The following ART3 variants were observed in gnomAD, a reference collection of about 807,000 sequenced individuals.
ART3 encodes ADP-ribosyltransferase 3 (inactive).
ART3 carries 49 observed loss-of-function variants against 48.5 expected under a neutral mutation model. The ratio of observed to expected loss-of-function variants is 1.01; its 90% confidence interval spans 0.80 to 1.28. The LOEUF is 1.28. Among genes scored for constraint, ART3 ranks in the 50% most tolerant of loss-of-function variants. ART3 has a pLI of 0.00. For synonymous variants in ART3, 145 were observed against 157.2 expected (o/e 0.92, Z 0.58); for missense variants, 438 against 454.3 (o/e 0.96, Z 0.33).
chr4:76,054,451 G>A (rs1718484331), intron 1 of ART3, among the ~76,000 whole-genome samples: 2 of 152,086 alleles, frequency 1.3e-5, no homozygotes, highest in Non-Finnish European at 2.9e-5. Context: ...GGACAGGAAA[G>A]ATGTTTTTTG....
intron 2 of ART3, among the ~76,000 whole-genome samples, chr4:76,077,619 A>T (rs536658236): frequency 1.6e-4 from 24 of 152,304 alleles, no homozygotes; most frequent in African/African-American, 5.5e-4. Context: ...TATATATAGG[A>T]AATATATATG....
intron 3 of ART3, among the ~76,000 whole-genome samples, chr4:76,096,392 T>C (rs1368467141): frequency 6.6e-6 from 1 of 152,222 alleles, no homozygotes; most frequent in African/African-American, 2.4e-5. Context: ...TCACTACAAA[T>C]GGAGCAGGAC....
rs1472722493 is a variant in ART3, at chr4:76,097,696, T to G, written c.814+20T>G. 2.5e-6 allele frequency: 4 copies of G among 1,593,116 alleles called. No homozygotes were observed. In the South Asian group the frequency reaches 4.4e-5, roughly 18 times the overall value. On this transcript the variant is annotated intron_variant, in intron 4 of 11. Coordinates refer to ENST00000355810, the MANE Select transcript of ART3 (RefSeq NM_001130016.3). ...ACCTAGGTAAGATAGCTTTAAAGTC[T>G]TATCCCTATAATAGGAATTTTATCA...
In ART3 at chr4:76,108,755, T is replaced by C. The variant is rs114284706; in HGVS notation, c.1036+962T>C. Reference sequence around the variant, plus strand: ...TGTACTTACCCAACCCTAGATGGTATACCCTGCTACACATGTAGGCTACAT... The same window carrying C: ...TGTACTTACCCAACCCTAGATGGTACACCCTGCTACACATGTAGGCTACAT... On this transcript the variant is annotated intron_variant, in intron 11 of 11. Transcript: ENST00000355810. Among the ~76,000 whole-genome samples, 890 of 152,322 alleles carry C rather than the reference T, an allele frequency of 5.8e-3. 6 individuals carry two copies. The highest frequency in any genetic ancestry group is 0.021 in the African/African-American group (853 of 41,578).
chr4:76,048,119 G>C (rs1195745128), intron 1 of ART3, among the ~76,000 whole-genome samples: 2 of 151,904 alleles, frequency 1.3e-5, no homozygotes, highest in African/African-American at 4.8e-5. Flanking sequence ...TCACTAATAG[G>C]AAGGGGAGCT....
At chr4:76,072,040 C>T (rs974302340), upstream of ART3, among the ~76,000 whole-genome samples, 5 of 152,122 alleles carry the variant, frequency 3.3e-5, no homozygotes, top group African/African-American at 1.2e-4. Flanking sequence ...TCTTAGCCTC[C>T]CAAGTAGCTA....
At chr4:76,073,258 C>A (rs980627771), upstream of ART3, among the ~76,000 whole-genome samples, 8 of 152,152 alleles carry the variant, frequency 5.3e-5, no homozygotes, top group Non-Finnish European at 8.8e-5. Context: ...GGAATGGAGG[C>A]CAGCGACAGG....
At chr4:76,082,623 G>A (rs1000202610) in intron 3 of ART3, 88 bp downstream of exon 3, 128 of 1,092,456 alleles carry the variant, frequency 1.2e-4, no homozygotes, top group Non-Finnish European at 1.5e-4. Flanking sequence ...GAGAGTGAGA[G>A]GTGTTTGAAA....
intron 1 of ART3, among the ~76,000 whole-genome samples, chr4:76,014,014 G>A (rs1732037177): frequency 6.6e-6 from 1 of 151,994 alleles, no homozygotes; most frequent in Admixed American, 6.5e-5. Flanking sequence ...TGCATTTTTA[G>A]TGAAAATATT....
At position 76,043,556 on chromosome 4, in the gene ART3, G is replaced by A. The variant is rs555938199; in HGVS notation, c.-10+32236G>A. ...GCTAAGCCCCTCATTGCCCGGGGCCGGCAGGGCTGGCCAGCTGTTCCGAGT... is the reference window on the plus strand; with the variant it reads ...GCTAAGCCCCTCATTGCCCGGGGCCAGCAGGGCTGGCCAGCTGTTCCGAGT... On this transcript the variant is annotated intron_variant, in intron 1 of 9. Coordinates refer to the ART3 transcript ENST00000341029. Among the ~76,000 whole-genome samples, 146 of 152,218 alleles carry A rather than the reference G, an allele frequency of 9.6e-4. 3 individuals are homozygous for A. The South Asian group carries it at 0.011, about 12-fold the overall frequency.
intron 10 of ART3, among the ~76,000 whole-genome samples, chr4:76,105,199 G>A (rs960654581): frequency 6.6e-6 from 1 of 152,156 alleles, no homozygotes; most frequent in Non-Finnish European, 1.5e-5. Context: ...CTAGTCCTGA[G>A]TTTGCACAGT....
chr4:76,067,145 A>G (rs1293069474), intron 1 of ART3, among the ~76,000 whole-genome samples: 3 of 152,266 alleles, frequency 2.0e-5, no homozygotes. Flanking sequence ...GTCTCTTAGA[A>G]AAAGCATTAT....
At chr4:76,069,291 A>G (rs879278002) in intron 1 of ART3, among the ~76,000 whole-genome samples, 7 of 144,320 alleles carry the variant, frequency 4.9e-5, no homozygotes, top group Non-Finnish European at 8.9e-5. Flanking sequence ...TTTCCCCATT[A>G]TACGTCCAGC....
chr4:76,017,229 G>A (rs1732348144), intron 1 of ART3, among the ~76,000 whole-genome samples: 1 of 150,696 alleles, frequency 6.6e-6, no homozygotes, highest in African/African-American at 2.4e-5. Context: ...GGCCCACTGT[G>A]TACTACCTGG....
chr4:76,107,187 A>G (rs561404397), intron 10 of ART3: 1 of 152,282 alleles, frequency 6.6e-6, no homozygotes, highest in African/African-American at 2.4e-5. Flanking sequence ...GACTTATGGT[A>G]TTTTCAGCTT....
intron 10 of ART3, chr4:76,105,556 T>C: frequency 7.8e-7 from 1 of 1,288,840 alleles, no homozygotes; most frequent in Non-Finnish European, 1.0e-6. Context: ...AAAAACCTGG[T>C]AATATATTCT....
chr4:76,102,812 C>G (rs1001729919), intron 8 of ART3, among the ~76,000 whole-genome samples: 3 of 151,904 alleles, frequency 2.0e-5, no homozygotes, highest in Non-Finnish European at 4.4e-5. Flanking sequence ...TCCAAATTAT[C>G]TATAACGTAT....
At chr4:76,013,352 A>T (rs1343105737) in intron 1 of ART3, among the ~76,000 whole-genome samples, 2 of 152,202 alleles carry the variant, frequency 1.3e-5, no homozygotes, top group Non-Finnish European at 2.9e-5. Flanking sequence ...CAGGAACAAG[A>T]CGATGAAGTG....
At chr4:76,068,888 C>G (rs1443868126) in intron 1 of ART3, among the ~76,000 whole-genome samples, 1 of 152,036 alleles carries the variant, frequency 6.6e-6, no homozygotes, top group Non-Finnish European at 1.5e-5. Context: ...ACTGTGTTGC[C>G]CCAGTGGCAT....
Sources: allele counts gnomAD v4.1 joint callset (sites outside exome capture counted in the v4.1 genomes callset), GRCh38; gene constraint gnomAD v4.1.1; transcripts MANE v1.5; gene names NCBI Gene and HGNC (gene_info 2026-07-23, HGNC 2026-07-21).